Variants in TRIM5 observed in about 807,000 individuals in gnomAD.
TRIM5 encodes the protein tripartite motif-containing protein 5.
TRIM5 carries 31 observed loss-of-function variants against 35.6 expected under a neutral mutation model. The ratio of observed to expected loss-of-function variants is 0.87; its 90% confidence interval spans 0.65 to 1.18. The LOEUF (loss-of-function observed/expected upper bound fraction) is 1.18. Ranked by LOEUF, TRIM5 falls within the 50% of genes most tolerant of loss-of-function variation. TRIM5 has a pLI of 0.00. For missense variants in TRIM5, 609 were observed against 591.6 expected, an observed-to-expected ratio of 1.03 and a Z score of -0.31; for synonymous variants, 243 against 215.6, an observed-to-expected ratio of 1.13 and a Z score of -1.11.
At chr11:5,647,660 C>T in the TRIM5 span, among the ~76,000 whole-genome samples, 2 of 152,138 alleles carry the variant, frequency 1.3e-5, no homozygotes, top group Admixed American at 6.5e-5. Context: ...GTAGCTAGGA[C>T]TACAGGCACA....
intron 4 of TRIM5, among the ~76,000 whole-genome samples, chr11:5,677,674 C>G (rs1168542523): frequency 6.6e-6 from 1 of 152,156 alleles, no homozygotes; most frequent in African/African-American, 2.4e-5. Flanking sequence ...CATGACTGGC[C>G]CTCCTGGGCC....
At chr11:5,632,616 T>G in the TRIM5 span, 1 of 1,612,946 alleles carries the variant, frequency 6.2e-7, no homozygotes, top group African/African-American at 1.3e-5. Context: ...AGAAGAGAGA[T>G]CTCTGTGATC....
At chr11:5,678,470 C>CAGA in intron 3 of TRIM5, 36 bp from the exon 4 acceptor site, 1 of 1,465,706 alleles carries the variant, frequency 6.8e-7, no homozygotes, top group Non-Finnish European at 9.1e-7. Flanking sequence ...GGCACTCAGT[C>CAGA]TACCAGGCAG....
chr11:5,602,038 C>G, the TRIM5 span, among the ~76,000 whole-genome samples: 5 of 152,132 alleles, frequency 3.3e-5, no homozygotes, highest in Non-Finnish European at 1.5e-5. Context: ...ATGTCAGGCT[C>G]TATGCTAGCT....
the TRIM5 span, among the ~76,000 whole-genome samples, chr11:5,592,530 C>T: frequency 1.3e-5 from 2 of 151,908 alleles, no homozygotes; most frequent in African/African-American, 4.8e-5. Flanking sequence ...AAATACCGTG[C>T]TATATGACAT....
chr11:5,642,816 G>T, the TRIM5 span: 186 of 1,613,748 alleles, frequency 1.2e-4, no homozygotes, highest in Non-Finnish European at 1.5e-4. Flanking sequence ...TATTATTTCA[G>T]AACTGACAGC....
the TRIM5 span, chr11:5,655,663 G>A: frequency 2.0e-6 from 2 of 985,370 alleles, no homozygotes; most frequent in Non-Finnish European, 2.4e-6. Context: ...ATGTTATGGA[G>A]GCTTCATCGG....
chr11:5,590,399 C>T, the TRIM5 span: 4,976 of 152,706 alleles, frequency 0.033, 120 homozygotes, highest in Non-Finnish European at 0.051. Context: ...GTAAATACAC[C>T]AATCGGCACT....
chr11:5,666,354 C>A, intron 5 of TRIM5: 4 of 443,994 alleles, frequency 9.0e-6, no homozygotes, highest in Admixed American at 3.6e-5. Context: ...CTCTCCCTGT[C>A]TACATTCTTA....
At chr11:5,633,872 C>T in the TRIM5 span, 1 of 1,614,070 alleles carries the variant, frequency 6.2e-7, no homozygotes, top group Non-Finnish European at 8.5e-7. Context: ...TGGAAGCTGA[C>T]ATCAGAGAAG....
chr11:5,666,471 G>A (rs539676163), intron 5 of TRIM5, among the ~76,000 whole-genome samples: 8 of 152,146 alleles, frequency 5.3e-5, no homozygotes, highest in Admixed American at 4.6e-4. Flanking sequence ...AAACATCATC[G>A]CTATGTATGT....
the TRIM5 span, among the ~76,000 whole-genome samples, chr11:5,617,768 G>A: frequency 6.6e-6 from 1 of 151,492 alleles, no homozygotes; most frequent in Non-Finnish European, 1.5e-5. Context: ...GGAATTACAG[G>A]CTTGGGCCAC....
At chr11:5,632,771 A>C in the TRIM5 span, 1 of 1,472,930 alleles carries the variant, frequency 6.8e-7, no homozygotes, top group Non-Finnish European at 9.2e-7. Context: ...CCCTAGATGG[A>C]GGGAGATGGG....
chr11:5,616,005 A>C, the TRIM5 span, among the ~76,000 whole-genome samples: 1 of 138,428 alleles, frequency 7.2e-6, no homozygotes, highest in Non-Finnish European at 1.5e-5. Flanking sequence ...CAGTTGAGTG[A>C]CGTGGCGCGA....
At chr11:5,635,582 G>A in the TRIM5 span, among the ~76,000 whole-genome samples, 1 of 152,114 alleles carries the variant, frequency 6.6e-6, no homozygotes, top group African/African-American at 2.4e-5. Flanking sequence ...TAAACATAAA[G>A]TGATAGAATA....
intron 4 of TRIM5, among the ~76,000 whole-genome samples, chr11:5,671,392 T>C (rs897761804): frequency 2.0e-5 from 3 of 150,474 alleles, no homozygotes; most frequent in African/African-American, 7.3e-5. Context: ...AGATAAAGAC[T>C]TCAAAGCAAC....
chr11:5,651,200 A>G, the TRIM5 span, among the ~76,000 whole-genome samples: 1 of 152,090 alleles, frequency 6.6e-6, no homozygotes, highest in South Asian at 2.1e-4. Context: ...ATTTCCATAC[A>G]CCTCACACCA....
At chr11:5,674,607 C>G (rs1371204659) in intron 4 of TRIM5, among the ~76,000 whole-genome samples, 2 of 152,202 alleles carry the variant, frequency 1.3e-5, no homozygotes, top group African/African-American at 2.4e-5. Context: ...TATGGATAAG[C>G]CTCCAGGCCG....
the TRIM5 span, among the ~76,000 whole-genome samples, chr11:5,637,811 T>A: frequency 6.6e-6 from 1 of 152,236 alleles, no homozygotes; most frequent in Admixed American, 6.5e-5. Context: ...ACTTTGCCTA[T>A]TCTAAGTACC....
Sources: gnomAD v4.1 joint callset for allele counts (sites outside exome capture counted in the v4.1 genomes callset) on GRCh38, gnomAD v4.1.1 for gene constraint, MANE v1.5 for transcripts, NCBI Gene and HGNC (gene_info 2026-07-23, HGNC 2026-07-21) for gene names.